EEF2K: variants seen among roughly 807,000 people sequenced by gnomAD.
The protein encoded by EEF2K is eukaryotic elongation factor 2 kinase, also known as alternative protein EEF2K.
EEF2K carries 70 observed loss-of-function variants against 93.8 expected under a neutral mutation model. The observed-to-expected ratio is 0.75, with a 90% CI of 0.62 to 0.91. The LOEUF is 0.91. Ranked by LOEUF, EEF2K falls within the 40% of genes least tolerant of loss-of-function variation. The pLI, the probability that EEF2K is intolerant of heterozygous loss-of-function variation, is 0.00. For synonymous variants in EEF2K, 376 were observed against 380.8 expected, an observed-to-expected ratio of 0.99 and a Z score of 0.15; for missense variants, 935 against 972.9, an observed-to-expected ratio of 0.96 and a Z score of 0.52.
chr16:22,245,164 A>G (rs919383888), intron 3 of EEF2K, among the ~76,000 whole-genome samples: 4 of 152,146 alleles, frequency 2.6e-5, no homozygotes, highest in Non-Finnish European at 2.9e-5. Flanking sequence ...GCTACTCAGG[A>G]GGCTGAGGCA....
rs187984591 is a variant in EEF2K at position 22,283,048 on chromosome 16, C to T, written c.2069-839C>T. The stretch of plus-strand genomic sequence containing the variant: ...AATCTAGGCTGGGCAGTGGCTCGCG[C>T]CTGTAATCCCAGCACTTTGGGAGGC... On this transcript the variant is annotated intron_variant, in intron 17 of 17. Coordinates refer to ENST00000263026, the MANE Select transcript of EEF2K (RefSeq NM_013302.5). Among the ~76,000 whole-genome samples the T allele has an allele frequency of 3.5e-3, 528 of 152,218 alleles. 4 individuals carry two copies. Among genetic ancestry groups the T allele is most frequent in the African/African-American group, 0.012 (505 of 41,538 alleles).
intron 1 of EEF2K, among the ~76,000 whole-genome samples, chr16:22,208,896 G>A (rs1051898451): frequency 3.9e-5 from 6 of 152,170 alleles, no homozygotes; most frequent in Admixed American, 3.9e-4. Context: ...CCACACGGCT[G>A]AGTTTTGGCT....
chr16:22,283,115 G>T (rs2047712396), intron 17 of EEF2K, among the ~76,000 whole-genome samples: 1 of 151,960 alleles, frequency 6.6e-6, no homozygotes, highest in African/African-American at 2.4e-5. Context: ...TCGAGACCAG[G>T]CTGGGCAACA....
At chr16:22,273,571 C>T in intron 15 of EEF2K, 55 bp from the exon 16 acceptor site, 1 of 1,595,912 alleles carries the variant, frequency 6.3e-7, no homozygotes, top group Non-Finnish European at 8.6e-7. Context: ...CTTGGCAGCC[C>T]TCGAGTGTAA....
chr16:22,220,029 T>C (rs986199251), intron 1 of EEF2K, among the ~76,000 whole-genome samples: 7 of 152,186 alleles, frequency 4.6e-5, no homozygotes, highest in Admixed American at 2.0e-4. Flanking sequence ...TTCACATGTT[T>C]ATATCTATCT....
At chr16:22,268,169 T>G (rs186204359) in intron 15 of EEF2K, among the ~76,000 whole-genome samples, 131 of 152,238 alleles carry the variant, frequency 8.6e-4, no homozygotes, top group Middle Eastern at 6.8e-3. Context: ...AAAACTTATT[T>G]ATTTATTGTT....
intron 17 of EEF2K, among the ~76,000 whole-genome samples, chr16:22,282,440 C>T (rs1047853010): frequency 3.3e-5 from 5 of 152,180 alleles, no homozygotes; most frequent in Admixed American, 6.5e-5. Flanking sequence ...TAAGCTTTAT[C>T]ACCTCCTCAC....
At chr16:22,249,259 C>T (rs1267224623) in intron 4 of EEF2K, among the ~76,000 whole-genome samples, 1 of 150,628 alleles carries the variant, frequency 6.6e-6, no homozygotes, top group Non-Finnish European at 1.5e-5. Context: ...GCGTAAGCCA[C>T]CACACCCGTC....
rs1449515399 is a variant in EEF2K, at chr16:22,286,191, C to T, written c.*2195C>T. 6.6e-6 allele frequency: 1 copy of T among 152,170 alleles called. No individual in the cohort carries two copies. Among genetic ancestry groups the T allele is most frequent in the African/African-American group, 2.4e-5 (1 of 41,442 alleles). The allele number at this position is 152,170 out of a possible 1,614,324, so 9.4% of individuals were successfully genotyped here. ...TTTTCCTTTTGAAGTTGGAACTGAT[C>T]ACCCTTTTGTCATCTGTACCAGATC... On this transcript the variant is annotated 3_prime_UTR_variant, in exon 18 of 18. Coordinates refer to ENST00000263026, the MANE Select transcript of EEF2K (RefSeq NM_013302.5).
rs893486708 is a variant in EEF2K, at chr16:22,225,663, C to T, written c.-67C>T. 5.1e-6 allele frequency: 8 copies of T among 1,579,998 alleles called. No individual in the cohort carries two copies. Among genetic ancestry groups the T allele is most frequent in the East Asian group, 4.5e-5 (2 of 44,538 alleles). On this transcript the variant is annotated 5_prime_UTR_variant, in exon 2 of 18. Coordinates refer to ENST00000263026, the MANE Select transcript of EEF2K (RefSeq NM_013302.5). Reference sequence around the variant, plus strand: ...CTTGCTTTCCTTGTAGGACCTTCGCCTCTGCATTTGTCCAGTAACTCTGGC... The same window carrying T: ...CTTGCTTTCCTTGTAGGACCTTCGCTTCTGCATTTGTCCAGTAACTCTGGC...
At chr16:22,226,517 C>CT (rs553013823) in intron 2 of EEF2K, among the ~76,000 whole-genome samples, 2,291 of 106,872 alleles carry the variant, frequency 0.021, 192 homozygotes, top group African/African-American at 0.08. Flanking sequence ...CCTTCTTCTT[C>CT]TTTTTTTTTT....
In EEF2K at chr16:22,257,707, C is replaced by G. The variant is rs200682384; in HGVS notation, c.966C>G (p.Gly322=). ...GCAACCGGATTTGCGAGAGCATGGG[C>G]CTTGCTCCCTTTGACCTCTCGCCCC... ...HACNRICESM[G]LAPFDLSPRE... is the part of the protein sequence containing the mutation. Residue 322 remains glycine, a synonymous_variant, in exon 9 of 18, where the codon GGC becomes GGG. Coordinates refer to ENST00000263026, the MANE Select transcript of EEF2K (RefSeq NM_013302.5). The G allele has an allele frequency of 6.2e-7, 1 of 1,614,042 alleles. No homozygotes were observed. Among genetic ancestry groups the G allele is most frequent in the South Asian group, 1.1e-5 (1 of 91,090 alleles).
At chr16:22,212,360 G>A (rs2046922951) in intron 1 of EEF2K, among the ~76,000 whole-genome samples, 1 of 150,604 alleles carries the variant, frequency 6.6e-6, no homozygotes. Flanking sequence ...GTCTTGCTGT[G>A]TCACCCAGGC....
At position 22,251,176 on chromosome 16, in the gene EEF2K, G is replaced by A; in HGVS notation, c.472G>A (p.Ala158Thr). The part of the protein sequence containing the change: ...RTKKLSNFLH[A>T]QQWKGASNYV... ...GAAGAAGCTCTCCAACTTCTTGCAT[G>A]CCCAGCAGTGGAAGGGCGCCTCCAA... Residue 158 changes from alanine (A) to threonine (T), a missense_variant, in exon 6 of 18, where the codon GCC becomes ACC. Ala to Thr is a moderately conservative substitution (Grantham distance 58). Coordinates refer to ENST00000263026, the MANE Select transcript of EEF2K (RefSeq NM_013302.5). 1 of 1,614,064 alleles carries A rather than the reference G, an allele frequency of 6.2e-7. No individual in the cohort carries two copies. Among genetic ancestry groups the A allele is most frequent in the Non-Finnish European group, 8.5e-7 (1 of 1,179,988 alleles).
chr16:22,217,228 TAGAGAGAG>T (rs146522060), intron 1 of EEF2K, among the ~76,000 whole-genome samples: 5 of 136,072 alleles, frequency 3.7e-5, no homozygotes, highest in Non-Finnish European at 7.8e-5. Context: ...GATAGATAGA[TAGAGAGAG>T]AGAGAGAGAG....
intron 1 of EEF2K, among the ~76,000 whole-genome samples, chr16:22,222,702 TA>T (rs1161314400): frequency 0.11 from 11,034 of 96,400 alleles, 523 homozygotes; most frequent in East Asian, 0.26. Context: ...ACCCCGTCCC[TA>T]AAAAAAAAAA....
intron 15 of EEF2K, among the ~76,000 whole-genome samples, chr16:22,267,748 G>A (rs1467539692): frequency 1.3e-5 from 2 of 152,150 alleles, no homozygotes; most frequent in Non-Finnish European, 2.9e-5. Flanking sequence ...CGTGTAGCTA[G>A]AGGTGCAGGA....
chr16:22,250,729 A>T, intron 5 of EEF2K, 38 bp downstream of exon 5: 1 of 1,613,712 alleles, frequency 6.2e-7, no homozygotes, highest in Non-Finnish European at 8.5e-7. Flanking sequence ...CCCTGCCCAG[A>T]GTCCCCCCAG....
At chr16:22,213,042 G>A (rs1277697853) in intron 1 of EEF2K, among the ~76,000 whole-genome samples, 3 of 152,136 alleles carry the variant, frequency 2.0e-5, no homozygotes, top group Non-Finnish European at 1.5e-5. Flanking sequence ...CACTTTGGGA[G>A]GCGGAGATGG....
Sources: allele counts gnomAD v4.1 joint callset (sites outside exome capture counted in the v4.1 genomes callset), GRCh38; gene constraint gnomAD v4.1.1; transcripts MANE v1.5; gene names NCBI Gene and HGNC (gene_info 2026-07-23, HGNC 2026-07-21).